The following PRKAA2 variants were observed in gnomAD, a reference collection of about 807,000 sequenced individuals.
PRKAA2 encodes the protein protein kinase AMP-activated catalytic subunit alpha 2.
PRKAA2 carries 40 observed loss-of-function variants against 56.3 expected under a neutral mutation model. That is an observed-to-expected ratio of 0.71 (90% CI 0.55 to 0.92). The LOEUF (loss-of-function observed/expected upper bound fraction) is 0.92. Ranked by LOEUF, PRKAA2 falls within the 40% of genes least tolerant of loss-of-function variation. The pLI is 0.00. For missense variants in PRKAA2, 542 were observed against 686.9 expected, an observed-to-expected ratio of 0.79 and a Z score of 2.36; for synonymous variants, 214 against 234.2, an observed-to-expected ratio of 0.91 and a Z score of 0.79.
Position 56,707,766 on chromosome 1 carries a change from T to A in PRKAA2, c.*53T>A. On this transcript the variant is annotated 3_prime_UTR_variant, in exon 9 of 9. Transcript: ENST00000371244. ...CACTATGAAAATCAGTTATATTCTT[T>A]AAATTTTTATCTTACTTTTGGATAA... is the stretch of plus-strand genomic sequence containing the variant. 6.9e-7 allele frequency: 1 copy of A among 1,440,024 alleles called. No homozygotes were observed. The highest frequency in any genetic ancestry group is 9.6e-7 in the Non-Finnish European group (1 of 1,042,342). The allele number at this position is 1,440,024 out of a possible 1,614,324, so 89.2% of individuals were successfully genotyped here.
chr1:56,655,280 A>ATATATATATATATATATATTT, intron 1 of PRKAA2, among the ~76,000 whole-genome samples: 2 of 93,676 alleles, frequency 2.1e-5, no homozygotes, highest in African/African-American at 9.1e-5. Context: ...ATATATATAT[A>ATATATATATATATATATATTT]TTTTTTTTTT....
chr1:56,690,869 C>G (rs557071801), intron 2 of PRKAA2, among the ~76,000 whole-genome samples: 6 of 152,140 alleles, frequency 3.9e-5, no homozygotes, highest in Non-Finnish European at 8.8e-5. Context: ...TTTTCAAAAT[C>G]GGTTCCATAA....
At chr1:56,671,974 A>T (rs1569741034) in intron 1 of PRKAA2, among the ~76,000 whole-genome samples, 1 of 152,198 alleles carries the variant, frequency 6.6e-6, no homozygotes, top group East Asian at 1.9e-4. Flanking sequence ...AAATGAGTTA[A>T]AATATGACTC....
intron 1 of PRKAA2, 56 bp downstream of exon 1, chr1:56,645,537 G>T: frequency 7.1e-7 from 1 of 1,401,834 alleles, no homozygotes; most frequent in Non-Finnish European, 9.4e-7. Context: ...GGGAGGCCGA[G>T]GGGAGAGGCG....
chr1:56,707,581 C>CCATT lies in PRKAA2; in HGVS notation c.1530_1533dup (p.Leu512PhefsTer31). 6.2e-7 allele frequency: 1 copy of CCATT among 1,614,018 alleles called. No individual in the cohort carries two copies. The highest frequency in any genetic ancestry group is 8.5e-7 in the Non-Finnish European group (1 of 1,179,944). Reference sequence around the variant, plus strand: ...GTTTTGATTCCACAACTGCAGAGAGCCATTCACTTTCTGGCTCTCTCACTG... The same window carrying CCATT: ...GTTTTGATTCCACAACTGCAGAGAGCCATTCATTCACTTTCTGGCTCTCTCACTG... On this transcript the variant is annotated frameshift_variant, in exon 9 of 9. Coordinates refer to ENST00000371244, the MANE Select transcript of PRKAA2 (RefSeq NM_006252.4). LOFTEE classifies it high-confidence loss of function.
chr1:56,658,545 T>C (rs1417748387), intron 1 of PRKAA2, among the ~76,000 whole-genome samples: 2 of 151,826 alleles, frequency 1.3e-5, no homozygotes, highest in African/African-American at 4.8e-5. Flanking sequence ...CCAACAGTGT[T>C]GAAGAATTTA....
At chr1:56,683,977 A>G (rs1479131586) in intron 2 of PRKAA2, among the ~76,000 whole-genome samples, 3 of 152,184 alleles carry the variant, frequency 2.0e-5, no homozygotes, top group Non-Finnish European at 1.5e-5. Flanking sequence ...GAAGCAGGGA[A>G]ACCAATTGGG....
In PRKAA2 at chr1:56,709,683, C is replaced by G. The variant is rs1241755409; in HGVS notation, c.*1970C>G. 1 of 152,066 alleles carries G rather than the reference C, an allele frequency of 6.6e-6. No homozygotes were observed. The highest frequency in any genetic ancestry group is 1.5e-5 in the Non-Finnish European group (1 of 67,964). The allele number at this position is 152,066 out of a possible 1,614,324, so 9.4% of individuals were successfully genotyped here. A position where few individuals can be genotyped will look rare whatever the true frequency, so the allele number is the denominator to read the frequency against. ...TAGAAATAAGGAACTAATCAGATTA[C>G]TTAACCCCAATGACAAAATCCACAA... is the stretch of plus-strand genomic sequence containing the variant. On this transcript the variant is annotated 3_prime_UTR_variant, in exon 9 of 9. Coordinates refer to ENST00000371244, the MANE Select transcript of PRKAA2 (RefSeq NM_006252.4).
intron 2 of PRKAA2, among the ~76,000 whole-genome samples, chr1:56,679,632 A>G (rs1644138992): frequency 6.6e-6 from 1 of 152,062 alleles, no homozygotes; most frequent in South Asian, 2.1e-4. Context: ...TCAGGTTACC[A>G]TCTTGCTTGT....
At chr1:56,688,805 T>C (rs1644208365) in intron 2 of PRKAA2, among the ~76,000 whole-genome samples, 1 of 152,232 alleles carries the variant, frequency 6.6e-6, no homozygotes, top group African/African-American at 2.4e-5. Flanking sequence ...AGAATCTTTA[T>C]TTAATGTCTG....
chr1:56,692,551 C>A (rs1417925828), intron 4 of PRKAA2, 49 bp downstream of exon 4: 4 of 1,551,672 alleles, frequency 2.6e-6, no homozygotes, highest in African/African-American at 1.4e-5. Flanking sequence ...CCTTTTAAAG[C>A]ATAACAACTC....
chr1:56,685,513 A>G (rs1490235745), intron 2 of PRKAA2, among the ~76,000 whole-genome samples: 2 of 152,212 alleles, frequency 1.3e-5, no homozygotes, highest in South Asian at 2.1e-4. Context: ...CATTAAATTA[A>G]TGTGAATTAA....
At chr1:56,692,579 A>C in intron 4 of PRKAA2, 77 bp downstream of exon 4, 4 of 1,450,428 alleles carry the variant, frequency 2.8e-6, no homozygotes, top group Non-Finnish European at 3.7e-6. Flanking sequence ...TAAGAACTTT[A>C]CTTTTCAACC....
chr1:56,692,485 C>A lies in PRKAA2; in HGVS notation c.458C>A (p.Ala153Asp). Residue 153 changes from alanine to aspartate, a missense_variant, in exon 4 of 9, where the codon GCC becomes GAC. By Grantham distance (126) the Ala-to-Asp change is moderately radical (BLOSUM62 -2). Around this residue, in one of 5 missense-constraint regions of PRKAA2, gnomAD observed 121 missense variants for 210.0 expected, o/e 0.58. Transcript: ENST00000371244. ...GTCCTGTTGGATGCACACATGAATG[C>A]CAAGATAGCCGATTTCGGTATGTAA... ...ENVLLDAHMN[A>D]KIADFGLSNM... The A allele has an allele frequency of 6.2e-7, 1 of 1,613,810 alleles. No individual in the cohort carries two copies. The highest frequency in any genetic ancestry group is 8.5e-7 in the Non-Finnish European group (1 of 1,179,912).
At position 56,714,875 on chromosome 1, in the gene PRKAA2, A is replaced by G. The variant is rs1425530750; in HGVS notation, c.*7162A>G. On this transcript the variant is annotated 3_prime_UTR_variant, in exon 9 of 9. Coordinates refer to ENST00000371244, the MANE Select transcript of PRKAA2 (RefSeq NM_006252.4). Reference sequence around the variant, plus strand: ...ATAATATTTACTTTTTTTCAAAAACATCCTGCATTCATTCATTCTTAGCAT... The same window carrying G: ...ATAATATTTACTTTTTTTCAAAAACGTCCTGCATTCATTCATTCTTAGCAT... 1 of 152,130 alleles carries G rather than the reference A, an allele frequency of 6.6e-6. No homozygotes were observed. The highest frequency in any genetic ancestry group is 1.5e-5 in the Non-Finnish European group (1 of 67,992). The allele number at this position is 152,130 out of a possible 1,614,324, so 9.4% of individuals were successfully genotyped here.
chr1:56,687,349 C>G (rs1192251531), intron 2 of PRKAA2, among the ~76,000 whole-genome samples: 1 of 151,996 alleles, frequency 6.6e-6, no homozygotes, highest in African/African-American at 2.4e-5. Flanking sequence ...AACAGTTTAA[C>G]ATATATATGA....
At chr1:56,670,650 G>C in intron 1 of PRKAA2, among the ~76,000 whole-genome samples, 1 of 152,132 alleles carries the variant, frequency 6.6e-6, no homozygotes, top group East Asian at 1.9e-4. Flanking sequence ...AAGATATTGG[G>C]GGACAACCAG....
intron 2 of PRKAA2, among the ~76,000 whole-genome samples, chr1:56,681,423 A>T (rs1306447544): frequency 2.0e-5 from 3 of 152,020 alleles, no homozygotes; most frequent in Middle Eastern, 3.4e-3. Flanking sequence ...AGACATGAAG[A>T]CCTTGCCCAT....
intron 1 of PRKAA2, among the ~76,000 whole-genome samples, chr1:56,664,858 A>G (rs1264746235): frequency 7.9e-6 from 1 of 126,510 alleles, no homozygotes; most frequent in Non-Finnish European, 1.6e-5. Context: ...ATATGTGTAC[A>G]CACACACACA....
Sources: gnomAD v4.1 joint callset for allele counts (sites outside exome capture counted in the v4.1 genomes callset) on GRCh38, gnomAD v4.1.1 for gene constraint, gnomAD v4.1.1 regional missense constraint, MANE v1.5 for transcripts, NCBI Gene and HGNC (gene_info 2026-07-23, HGNC 2026-07-21) for gene names.